PATJ: variants seen among roughly 807,000 people sequenced by gnomAD.
The protein encoded by PATJ is inaD-like protein.
In PATJ, 190 loss-of-function variants were observed where a neutral mutation model predicts 224.9. The ratio of observed to expected loss-of-function variants is 0.84; its 90% CI spans 0.75 to 0.95. The LOEUF is 0.95. PATJ is among the 40% of genes least tolerant of loss of function. PATJ has a pLI of 0.00. For missense variants in PATJ, 2,121 were observed against 2,270.3 expected (o/e 0.93, Z 1.34); for synonymous variants, 769 against 820.3 (o/e 0.94, Z 1.07).
intron 35 of PATJ, chr1:62,114,938 G>A (rs1403087480): frequency 1.3e-5 from 2 of 151,604 alleles, no homozygotes; most frequent in Admixed American, 1.3e-4. Flanking sequence ...AAGGAAAAAA[G>A]AAAGATGTCC....
chr1:61,965,121 CAAAAAAAAAAAAA>C lies in PATJ; in HGVS notation c.3671-25019_3671-25007del, dbSNP rs34267345. ...TGGGCCACTGAAGGAGACTCTGTCT[CAAAAAAAAAAAAA>C]AAAAAAAAAAAAAAAAAAAAAAAAA... On this transcript the variant is annotated intron_variant, in intron 27 of 43. Transcript: ENST00000642238. Among the ~76,000 whole-genome samples, 39 of 54,356 alleles carry C rather than the reference CAAAAAAAAAAAAA, an allele frequency of 7.2e-4. No individual in the cohort carries two copies. In the East Asian group the frequency reaches 0.013, roughly 18 times the overall value. 35.7% of individuals were successfully genotyped at this position (54,356 alleles called of 152,430 possible).
At chr1:61,856,596 T>G (rs1663705144) in intron 18 of PATJ, among the ~76,000 whole-genome samples, 1 of 152,158 alleles carries the variant, frequency 6.6e-6, no homozygotes, top group Non-Finnish European at 1.5e-5. Context: ...ATTATTATTA[T>G]TATTATTTTA....
chr1:61,775,111 T>C, intron 6 of PATJ, 95 bp from the exon 7 acceptor site: 1 of 1,272,500 alleles, frequency 7.9e-7, no homozygotes, highest in Non-Finnish European at 1.1e-6. Flanking sequence ...GTTCAATTTG[T>C]TGCAAATCTG....
At chr1:61,851,537 C>T (rs1047772926) in intron 17 of PATJ, among the ~76,000 whole-genome samples, 8 of 152,030 alleles carry the variant, frequency 5.3e-5, no homozygotes, top group South Asian at 4.1e-4. Flanking sequence ...AAGTGAGAGA[C>T]GAGACAGAAC....
At chr1:62,089,062 A>G (rs61777685) in intron 33 of PATJ, among the ~76,000 whole-genome samples, 17,546 of 152,122 alleles carry the variant, frequency 0.12, 1,352 homozygotes, top group Middle Eastern at 0.22. Context: ...TTACTTTTGT[A>G]AATAAAAGTC....
chr1:61,935,354 C>T (rs373824896), intron 27 of PATJ, among the ~76,000 whole-genome samples: 1 of 152,124 alleles, frequency 6.6e-6, no homozygotes, highest in African/African-American at 2.4e-5. Flanking sequence ...CAGAAAAGCA[C>T]GCTGTCATAG....
At chr1:61,823,381 T>C (rs553967040) in intron 15 of PATJ, among the ~76,000 whole-genome samples, 1 of 152,352 alleles carries the variant, frequency 6.6e-6, no homozygotes, top group Admixed American at 6.5e-5. Context: ...TGTTGCAACA[T>C]ATAACCACAT....
chr1:62,110,908 A>G (rs150094589), intron 34 of PATJ, among the ~76,000 whole-genome samples: 39 of 152,312 alleles, frequency 2.6e-4, no homozygotes, highest in African/African-American at 8.7e-4. Context: ...CCAATGTTCT[A>G]AATAATGCAT....
chr1:62,114,246 G>A lies in PATJ; in HGVS notation c.4655G>A (p.Arg1552Gln), dbSNP rs144362185. Residue 1552 changes from arginine to glutamine, a missense_variant and splice_region_variant, in exon 35 of 44, where the codon CGA becomes CAA. Transcript: ENST00000642238. The stretch of plus-strand genomic sequence containing the variant: ...CTGGGCCTGAGCATCGTTGGGAAAC[G>A]GTAAAGACGTGCTGTGGGAGTTGGG... Reference protein sequence around the residue: ...RGLGLSIVGKRNGSGVFISDI... With the variant: ...RGLGLSIVGKQNGSGVFISDI... The A allele has an allele frequency of 1.2e-4, 196 of 1,613,636 alleles. No individual in the cohort carries two copies. Among genetic ancestry groups the A allele is most frequent in the South Asian group, 6.9e-4 (63 of 90,966 alleles).
rs1644402896 is a variant in PATJ at position 61,980,650 on chromosome 1, C to T, written c.3671-9518C>T. ...TAGTAAATTTTAAGAAAACCATTCT[C>T]TATACATTTTCTTTCCACTTATCCT... On this transcript the variant is annotated intron_variant, in intron 27 of 43. Transcript: ENST00000642238. Among the ~76,000 whole-genome samples, 6 of 152,028 alleles carry T rather than the reference C, an allele frequency of 3.9e-5. 1 individual carries two copies. The South Asian group carries it at 1.2e-3, about 31-fold the overall frequency.
intron 1 of PATJ, among the ~76,000 whole-genome samples, chr1:61,757,118 C>A (rs1645693832): frequency 1.5e-5 from 2 of 137,918 alleles, no homozygotes; most frequent in African/African-American, 5.5e-5. Flanking sequence ...TGTTGCCAGA[C>A]TGGGGTGCAG....
Position 61,863,050 on chromosome 1 carries a change from T to G in PATJ, c.2440-1188T>G, listed in dbSNP as rs570400043. 3.7e-4 allele frequency among the ~76,000 whole-genome samples: 54 copies of G among 147,618 alleles called. No individual in the cohort carries two copies. The East Asian group carries it at 0.01, about 27-fold the overall frequency. ...CAGTTTTTTTTTTTTTTTTTTTTTT[T>G]TTTGAGATGGTATCTTGCTCTGTTG... On this transcript the variant is annotated intron_variant, in intron 19 of 43. Transcript: ENST00000642238.
intron 27 of PATJ, among the ~76,000 whole-genome samples, chr1:61,940,588 C>T (rs995255318): frequency 2.0e-5 from 3 of 151,868 alleles, no homozygotes; most frequent in Non-Finnish European, 4.4e-5. Flanking sequence ...TGGTGGCACG[C>T]ACCTGTAGTC....
chr1:61,795,733 T>A (rs1369588064), intron 10 of PATJ, among the ~76,000 whole-genome samples, 175 bp downstream of exon 10: 1 of 152,152 alleles, frequency 6.6e-6, no homozygotes, highest in African/African-American at 2.4e-5. Flanking sequence ...TACATTAAAT[T>A]TTTTTTCACC....
chr1:62,110,772 C>T (rs1436082605), intron 34 of PATJ, among the ~76,000 whole-genome samples: 1 of 152,198 alleles, frequency 6.6e-6, no homozygotes, highest in Non-Finnish European at 1.5e-5. Flanking sequence ...GAACTGTGTT[C>T]ACCCACTTCC....
In PATJ at chr1:62,125,245, AAAAAAAAACAAAAAAAAAC is replaced by A. The variant is rs1170269578; in HGVS notation, c.5043+2196_5043+2214del. On this transcript the variant is annotated intron_variant, in intron 39 of 43. Coordinates refer to ENST00000642238, the MANE Select transcript of PATJ (RefSeq NM_001350145.3). ...GAGTAAAACCCTGTCTCAAAAAAAA[AAAAAAAAACAAAAAAAAAC>A]AAAAAAAAAACGCCATTAGCTCTAT... is the stretch of plus-strand genomic sequence containing the variant. Among the ~76,000 whole-genome samples the A allele has an allele frequency of 3.5e-4, 36 of 104,286 alleles. 3 individuals are homozygous for A. The highest frequency in any genetic ancestry group is 9.2e-4 in the African/African-American group (26 of 28,292). The allele number at this position is 104,286 out of a possible 152,430, so 68.4% of individuals were successfully genotyped here.
intron 17 of PATJ, among the ~76,000 whole-genome samples, chr1:61,854,983 T>C (rs1462435641): frequency 6.6e-6 from 1 of 152,228 alleles, no homozygotes; most frequent in South Asian, 2.1e-4. Context: ...TACTATATCA[T>C]AATTTTAGGT....
intron 29 of PATJ, among the ~76,000 whole-genome samples, chr1:62,032,061 G>A (rs1558067766): frequency 6.6e-6 from 1 of 152,114 alleles, no homozygotes; most frequent in Non-Finnish European, 1.5e-5. Context: ...CAGTTGTGTA[G>A]GTCAGAATGC....
intron 14 of PATJ, among the ~76,000 whole-genome samples, chr1:61,812,433 A>AGAGAGAGTGTGTGTGTGTGTGTGTGTGT (rs1397549346): frequency 1.4e-4 from 12 of 85,196 alleles, no homozygotes; most frequent in Non-Finnish European, 2.4e-4. Flanking sequence ...AGAGAGAGAG[A>AGAGAGAGTGTGTGTGTGTGTGTGTGTGT]GTGTGTGTGT....
Sources: gnomAD v4.1 joint callset for allele counts (sites outside exome capture counted in the v4.1 genomes callset) on GRCh38, gnomAD v4.1.1 for gene constraint, MANE v1.5 for transcripts, NCBI Gene and HGNC (gene_info 2026-07-23, HGNC 2026-07-21) for gene names.